Variants in RBM5 observed in about 807,000 individuals in gnomAD.
RBM5 encodes the protein RNA binding motif protein 5.
Under a neutral mutation model 124.6 loss-of-function variants are expected in RBM5, and 15 were observed. The ratio of observed to expected loss-of-function variants is 0.12; its 90% CI spans 0.08 to 0.19. RBM5 has a LOEUF of 0.19. Ranked by LOEUF, RBM5 falls within the 10% of genes least tolerant of loss-of-function variation. The pLI, the probability that RBM5 is intolerant of heterozygous loss-of-function variation, is 1.00. For missense variants in RBM5, 580 were observed against 1,026.5 expected (o/e 0.57, Z 5.94); for synonymous variants, 337 against 361.2 (o/e 0.93, Z 0.76).
rs1172529257 is a variant in RBM5 at position 50,118,365 on chromosome 3, C to T, written c.2357C>T (p.Ala786Val). The stretch of plus-strand genomic sequence containing the variant: ...CGGCTAAAGGGAGCTGGCCTAGGAG[C>T]CAAAGGCAGCGCATATGGTTTGTCG... The part of the protein sequence containing the change: ...QVRLKGAGLG[A>V]KGSAYGLSGA... The change falls in exon 25 of 25, where the codon GCC becomes GTC. Residue 786 changes from alanine to valine, a missense_variant. Around this residue, in one of 6 missense-constraint regions of RBM5, gnomAD observed 234 missense variants for 435.1 expected, o/e 0.54. Coordinates refer to ENST00000347869, the MANE Select transcript of RBM5 (RefSeq NM_005778.4). 3.1e-6 allele frequency: 5 copies of T among 1,613,956 alleles called. No individual in the cohort carries two copies. Among genetic ancestry groups the T allele is most frequent in the Non-Finnish European group, 4.2e-6 (5 of 1,180,042 alleles).
At chr3:50,107,173 C>T in intron 11 of RBM5, 3 of 641,802 alleles carry the variant, frequency 4.7e-6, no homozygotes, top group Non-Finnish European at 8.6e-6. Context: ...CCCATTCCTT[C>T]CAGAACAGCG....
rs1575338420 is a variant in RBM5 at position 50,115,496 on chromosome 3, T to G, written c.1908T>G (p.Ser636Arg). The change falls in exon 21 of 25, where the codon AGT (serine) becomes AGG (arginine). Residue 636 changes from serine (S) to arginine (R), a missense_variant. Ser to Arg is a moderately radical substitution (Grantham distance 110, BLOSUM62 -1). This residue lies in a region of RBM5 where 234 missense variants were observed against 435.1 expected (regional missense o/e 0.54). Transcript: ENST00000347869. ...NEEELVERLE[S>R]EEEKLADWKK... ...AGGAGCTGGTGGAGAGACTTGAGAG[T>G]GAGGAAGAGAAGCTAGCTGACTGGA... 1 of 1,613,130 alleles carries G rather than the reference T, an allele frequency of 6.2e-7. No homozygotes were observed. The highest frequency in any genetic ancestry group is 2.2e-5 in the East Asian group (1 of 44,774).
At position 50,115,912 on chromosome 3, in the gene RBM5, A is replaced by G; in HGVS notation, c.2026A>G (p.Met676Val). Reference sequence around the variant, plus strand: ...TTTCAAATCTTTTGTGTAGCAAAACATGGACATCTATCGACGATCCAGGCT... The same window carrying G: ...TTTCAAATCTTTTGTGTAGCAAAACGTGGACATCTATCGACGATCCAGGCT... ...QQLSDLHKQN[M>V]DIYRRSRLSE... Residue 676 changes from methionine (M) to valine (V), a missense_variant, in exon 22 of 25, where the codon ATG (methionine) becomes GTG (valine). Met to Val is a conservative substitution (Grantham distance 21, BLOSUM62 1). Coordinates refer to ENST00000347869, the MANE Select transcript of RBM5 (RefSeq NM_005778.4). The G allele has an allele frequency of 1.2e-6, 2 of 1,612,832 alleles. No homozygotes were observed. Among genetic ancestry groups the G allele is most frequent in the East Asian group, 2.2e-5 (1 of 44,866 alleles).
chr3:50,089,557 C>A (rs2090664571), intron 1 of RBM5, among the ~76,000 whole-genome samples: 1 of 152,272 alleles, frequency 6.6e-6, no homozygotes, highest in Admixed American at 6.5e-5. Context: ...TGGGTGCCGG[C>A]ACCGCCCGGG....
At position 50,118,454 on chromosome 3, in the gene RBM5, TGAGA is replaced by T. The variant is rs112672304; in HGVS notation, c.*17_*20del. 13,591 of 1,543,718 alleles carry T rather than the reference TGAGA, an allele frequency of 8.8e-3. 502 individuals are homozygous for T. The Admixed American group carries it at 0.19, about 22-fold the overall frequency. ...GTTTGCCCGGTTCACTGAGATGGAG[TGAGA>T]GAGAGAGAGAGAGAGAGATGACAAG... is the stretch of plus-strand genomic sequence containing the variant. On this transcript the variant is annotated stop_retained_variant and 3_prime_UTR_variant, in exon 25 of 25. Transcript: ENST00000347869.
At position 50,090,557 on chromosome 3, in the gene RBM5, A is replaced by G. The variant is rs1312800152; in HGVS notation, c.17+106A>G. The G allele has an allele frequency of 5.3e-6, 7 of 1,315,746 alleles. No individual in the cohort carries two copies. The East Asian group carries it at 1.6e-4, about 31-fold the overall frequency. 81.5% of individuals were successfully genotyped at this position (1,315,746 alleles called of 1,614,324 possible). Reference sequence around the variant, plus strand: ...AATATATGAGTGTTTTGCGCCAGGCATTGCTAACGAACACCTTTATGATCC... The same window carrying G: ...AATATATGAGTGTTTTGCGCCAGGCGTTGCTAACGAACACCTTTATGATCC... On this transcript the variant is annotated intron_variant, in intron 2 of 24. Coordinates refer to ENST00000347869, the MANE Select transcript of RBM5 (RefSeq NM_005778.4).
chr3:50,118,538 G>T lies in RBM5; in HGVS notation c.*82G>T. 3.3e-6 allele frequency: 5 copies of T among 1,526,704 alleles called. No homozygotes were observed. The South Asian group carries it at 4.8e-5, about 15-fold the overall frequency. The allele number at this position is 1,526,704 out of a possible 1,614,324, so 94.6% of individuals were successfully genotyped here. A position where few individuals can be genotyped will look rare whatever the true frequency, so the allele number is the denominator to read the frequency against. On this transcript the variant is annotated 3_prime_UTR_variant, in exon 25 of 25. Coordinates refer to ENST00000347869, the MANE Select transcript of RBM5 (RefSeq NM_005778.4). ...TCGCTGTTACCGCCTGTCTCTTTAAGGGCATGCCTTGTGCTGTTAATAGAT... is the reference window on the plus strand; with the variant it reads ...TCGCTGTTACCGCCTGTCTCTTTAATGGCATGCCTTGTGCTGTTAATAGAT...
chr3:50,101,967 T>A (rs1288383785), intron 6 of RBM5: 1 of 152,236 alleles, frequency 6.6e-6, no homozygotes, highest in Non-Finnish European at 1.5e-5. Flanking sequence ...TTCAGCTTTT[T>A]CTCTCCTGGC....
chr3:50,108,514 C>G lies in RBM5; in HGVS notation c.1192+210C>G, dbSNP rs557981599. ...ACGAGGTCAGGAGTTCAAGACCAGC[C>G]TGGCCAACATGGTGAAACCCCATCT... On this transcript the variant is annotated intron_variant, in intron 14 of 24. Coordinates refer to ENST00000347869, the MANE Select transcript of RBM5 (RefSeq NM_005778.4). Among the ~76,000 whole-genome samples the G allele has an allele frequency of 7.9e-5, 12 of 152,254 alleles. No homozygotes were observed. The East Asian group carries it at 2.1e-3, about 27-fold the overall frequency.
At position 50,108,075 on chromosome 3, in the gene RBM5, A is replaced by G. The variant is rs2091072083; in HGVS notation, c.1047A>G (p.Gln349=). ...AAAQWSSTQS[Q]SGEGGSVDYS... is the part of the protein sequence containing the mutation. ...CTCATTTTGATGTTTTGTAGTCTCA[A>G]AGTGGTGAAGGAGGCAGTGTTGACT... Residue 349 remains glutamine (Q), a synonymous_variant, in exon 13 of 25, where the codon CAA becomes CAG. Coordinates refer to ENST00000347869, the MANE Select transcript of RBM5 (RefSeq NM_005778.4). The G allele has an allele frequency of 6.2e-7, 1 of 1,605,560 alleles. No homozygotes were observed. Among genetic ancestry groups the G allele is most frequent in the African/African-American group, 1.3e-5 (1 of 74,704 alleles).
chr3:50,116,636 T>C (rs1320818187), intron 22 of RBM5: 1 of 223,176 alleles, frequency 4.5e-6, no homozygotes, highest in Non-Finnish European at 9.1e-6. Context: ...CTACTATCTA[T>C]GGTTCCACCT....
At chr3:50,089,472 G>A (rs1050351315) in intron 1 of RBM5, among the ~76,000 whole-genome samples, 1 of 152,216 alleles carries the variant, frequency 6.6e-6, no homozygotes, top group African/African-American at 2.4e-5. Flanking sequence ...GCATGTGCGG[G>A]GAGGGCAGGC....
At chr3:50,098,609 A>AT (rs2090872577) in intron 4 of RBM5, among the ~76,000 whole-genome samples, 2 of 151,846 alleles carry the variant, frequency 1.3e-5, no homozygotes, top group African/African-American at 2.4e-5. Context: ...CGTCTGGCTG[A>AT]TTTTTTGTAT....
At chr3:50,116,246 C>T (rs1478569588) in intron 22 of RBM5, 5 of 435,660 alleles carry the variant, frequency 1.1e-5, no homozygotes, top group South Asian at 5.5e-5. Context: ...TGCTTAAATA[C>T]GCTGGATTTT....
chr3:50,094,028 T>C, intron 4 of RBM5, 153 bp downstream of exon 4: 2 of 688,608 alleles, frequency 2.9e-6, no homozygotes, highest in Non-Finnish European at 4.5e-6. Flanking sequence ...GTTTTGATAT[T>C]TTTTTTTAAT....
Position 50,100,546 on chromosome 3 carries a change from T to G in RBM5, c.424T>G (p.Phe142Val). The G allele has an allele frequency of 1.2e-6, 2 of 1,612,774 alleles. No homozygotes were observed. The highest frequency in any genetic ancestry group is 1.7e-6 in the Non-Finnish European group (2 of 1,178,778). ...MKRKTGVSRGFAFVEFYHLQD... is the reference protein window; with the variant it reads ...MKRKTGVSRGVAFVEFYHLQD... ...GCTGTCTCTAGGTGTAAGCCGTGGTTTCGCCTTCGTGGAGTTTTATCACTT... is the reference window on the plus strand; with the variant it reads ...GCTGTCTCTAGGTGTAAGCCGTGGTGTCGCCTTCGTGGAGTTTTATCACTT... Residue 142 changes from phenylalanine (F) to valine (V), a missense_variant, in exon 6 of 25, where the codon TTC becomes GTC. Around this residue, in one of 6 missense-constraint regions of RBM5, gnomAD observed 101 missense variants for 223.2 expected, o/e 0.45. Coordinates refer to ENST00000347869, the MANE Select transcript of RBM5 (RefSeq NM_005778.4). The surrounding 1 kb of genome is among the most constrained non-coding windows in gnomAD (Gnocchi z 5.1).
At chr3:50,106,929 G>GTACA in intron 11 of RBM5, 65 bp downstream of exon 11, 1 of 1,327,290 alleles carries the variant, frequency 7.5e-7, no homozygotes, top group Non-Finnish European at 1.1e-6. Flanking sequence ...TGTGCTAACT[G>GTACA]AACGCCAAGC....
intron 16 of RBM5, 39 bp downstream of exon 16, chr3:50,110,502 T>C: frequency 6.3e-7 from 1 of 1,579,364 alleles, no homozygotes; most frequent in Middle Eastern, 1.7e-4. Context: ...AGTTGGAAGG[T>C]CTTAGTTGTT....
intron 17 of RBM5, among the ~76,000 whole-genome samples, chr3:50,111,725 G>C: frequency 6.6e-6 from 1 of 152,142 alleles, no homozygotes; most frequent in East Asian, 1.9e-4. Context: ...ATTACCTTTT[G>C]TGTCCAGCAT....
Sources: gnomAD v4.1 joint callset for allele counts (sites outside exome capture counted in the v4.1 genomes callset) on GRCh38, gnomAD v4.1.1 for gene constraint, gnomAD v4.1.1 regional missense constraint, Gnocchi (gnomAD v3.1) non-coding constraint, MANE v1.5 for transcripts, NCBI Gene and HGNC (gene_info 2026-07-23, HGNC 2026-07-21) for gene names.